The following CA12 variants were observed in gnomAD, a reference collection of about 807,000 sequenced individuals.
CA12 encodes carbonate dehydratase XII.
CA12 carries 36 observed loss-of-function variants against 46.8 expected under a neutral mutation model. That is an observed-to-expected ratio of 0.77 (90% CI 0.59 to 1.02). The LOEUF (loss-of-function observed/expected upper bound fraction) is 1.02. CA12 is among the 50% of genes least tolerant of loss of function. The pLI, the probability that CA12 is intolerant of heterozygous loss-of-function variation, is 0.00. For missense variants in CA12, 436 were observed against 451.4 expected, an observed-to-expected ratio of 0.97 and a Z score of 0.31; for synonymous variants, 202 against 187.0, an observed-to-expected ratio of 1.08 and a Z score of -0.65.
chr15:63,336,258 C>A (rs1329988580), intron 8 of CA12, among the ~76,000 whole-genome samples: 1 of 152,206 alleles, frequency 6.6e-6, no homozygotes, highest in East Asian at 1.9e-4. Flanking sequence ...TACTGAAGCG[C>A]TTGGCTAAAA....
rs1595779473 is a variant in CA12, at chr15:63,340,883, C to T, written c.526-100G>A. 1.0e-6 allele frequency: 1 copy of T among 956,444 alleles called. No individual in the cohort carries two copies. Among genetic ancestry groups the T allele is most frequent in the Admixed American group, 1.8e-5 (1 of 54,330 alleles). 59.2% of individuals were successfully genotyped at this position (956,444 alleles called of 1,614,324 possible). A position where few individuals can be genotyped will look rare whatever the true frequency, so the allele number is the denominator to read the frequency against. Reference sequence around the variant, plus strand: ...AAGGGCAAAGCTGTGGGTATGTTGCCACCACTGCCTGAAGGATCCACTTTA... The same window carrying T: ...AAGGGCAAAGCTGTGGGTATGTTGCTACCACTGCCTGAAGGATCCACTTTA... On this transcript the variant is annotated intron_variant, in intron 5 of 10. Transcript: ENST00000178638. This position sits in a 1 kb window ranked among gnomAD's most constrained non-coding sequence, Gnocchi z 4.4.
In CA12 at chr15:63,339,328, G is replaced by A. The variant is rs932265129; in HGVS notation, c.748-383C>T. On this transcript the variant is annotated intron_variant, in intron 7 of 10. Coordinates refer to ENST00000178638, the MANE Select transcript of CA12 (RefSeq NM_001218.5). This position sits in a 1 kb window ranked among gnomAD's most constrained non-coding sequence, Gnocchi z 4.3. The stretch of plus-strand genomic sequence containing the variant: ...GAGGCCAGCTCTCAACCAGAGGGTC[G>A]CAGGGCTTGTTCTGATGGTCATATC... 5.9e-5 allele frequency among the ~76,000 whole-genome samples: 9 copies of A among 152,096 alleles called. No homozygotes were observed. The highest frequency in any genetic ancestry group is 2.1e-4 in the South Asian group (1 of 4,824).
At chr15:63,344,689 T>C (rs1370697258) in intron 4 of CA12, among the ~76,000 whole-genome samples, 6 of 152,180 alleles carry the variant, frequency 3.9e-5, no homozygotes, top group African/African-American at 1.2e-4. Flanking sequence ...CCCTGGCTGA[T>C]CAGTCAGCAG....
Position 63,330,947 on chromosome 15 carries a change from C to T in CA12, c.875-2817G>A, listed in dbSNP as rs1477773403. Among the ~76,000 whole-genome samples the T allele has an allele frequency of 1.3e-5, 2 of 152,212 alleles. No individual in the cohort carries two copies. The highest frequency in any genetic ancestry group is 4.8e-5 in the African/African-American group (2 of 41,442). On this transcript the variant is annotated intron_variant, in intron 8 of 10. Coordinates refer to ENST00000178638, the MANE Select transcript of CA12 (RefSeq NM_001218.5). The surrounding 1 kb of genome is among the most constrained non-coding windows in gnomAD (Gnocchi z 4.0). ...AGAGACTGGGACAGATACTTTTCAG[C>T]CAAGACTTTGATACAGCAAAAACGA...
intron 2 of CA12, among the ~76,000 whole-genome samples, chr15:63,359,965 T>C (rs1254778228): frequency 1.3e-5 from 2 of 152,206 alleles, no homozygotes; most frequent in Non-Finnish European, 2.9e-5. Flanking sequence ...AGCTCTGTCA[T>C]GTAGCACACA....
rs541235390 is a variant in CA12, at chr15:63,378,104, C to A, written c.86-2426G>T. ...CTCTCCCAGTAAAAATTTCCCTAAGCTGGCTGGGTACGGTGGCTCACCCCT... is the reference window on the plus strand; with the variant it reads ...CTCTCCCAGTAAAAATTTCCCTAAGATGGCTGGGTACGGTGGCTCACCCCT... On this transcript the variant is annotated intron_variant, in intron 1 of 10. Transcript: ENST00000178638. This position sits in a 1 kb window ranked among gnomAD's most constrained non-coding sequence, Gnocchi z 4.8. 7.2e-5 allele frequency among the ~76,000 whole-genome samples: 11 copies of A among 152,332 alleles called. No homozygotes were observed. Among genetic ancestry groups the A allele is most frequent in the African/African-American group, 2.6e-4 (11 of 41,578 alleles).
Position 63,322,171 on chromosome 15 carries a change from C to T in CA12, c.*4114G>A, listed in dbSNP as rs2038799024. ...ACTTCTAAGTGTGTTTGGAGCAACT[C>T]GGATATTGGAATCTTTTAAACTGTA... On this transcript the variant is annotated 3_prime_UTR_variant, in exon 11 of 11. Transcript: ENST00000178638. This position sits in a 1 kb window ranked among gnomAD's most constrained non-coding sequence, Gnocchi z 4.1. 2.0e-5 allele frequency: 3 copies of T among 152,176 alleles called. No individual in the cohort carries two copies. The highest frequency in any genetic ancestry group is 1.3e-4 in the Admixed American group (2 of 15,278). The allele number at this position is 152,176 out of a possible 1,614,324, so 9.4% of individuals were successfully genotyped here.
At chr15:63,366,436 C>T (rs921392952) in intron 2 of CA12, among the ~76,000 whole-genome samples, 1 of 152,206 alleles carries the variant, frequency 6.6e-6, no homozygotes, top group African/African-American at 2.4e-5. Context: ...CTCCAAAATA[C>T]TGAGTGAGGT....
intron 2 of CA12, among the ~76,000 whole-genome samples, chr15:63,371,970 G>T (rs1387709423): frequency 4.0e-5 from 6 of 151,812 alleles, no homozygotes; most frequent in African/African-American, 1.5e-4. Context: ...CTCTTTTATT[G>T]AATATGAAAT....
At chr15:63,364,112 TG>T (rs938289797) in intron 2 of CA12, among the ~76,000 whole-genome samples, 3 of 151,698 alleles carry the variant, frequency 2.0e-5, no homozygotes, top group African/African-American at 7.3e-5. Flanking sequence ...GCTTGAACCC[TG>T]GAGGCGGAGG....
chr15:63,336,543 C>CTTT lies in CA12; in HGVS notation c.874+2273_874+2275dup, dbSNP rs71998323. On this transcript the variant is annotated intron_variant, in intron 8 of 10. Coordinates refer to ENST00000178638, the MANE Select transcript of CA12 (RefSeq NM_001218.5). Reference sequence around the variant, plus strand: ...CATGAGATCACCTAATCCAACCTGGCTTTTTTTTTTTTTTTTTTTTTTTTT... The same window carrying CTTT: ...CATGAGATCACCTAATCCAACCTGGCTTTTTTTTTTTTTTTTTTTTTTTTTTTT... Among the ~76,000 whole-genome samples, 234 of 86,214 alleles carry CTTT rather than the reference C, an allele frequency of 2.7e-3. 5 individuals are homozygous for CTTT. Among genetic ancestry groups the CTTT allele is most frequent in the Middle Eastern group, 0.011 (1 of 88 alleles). 56.6% of individuals were successfully genotyped at this position (86,214 alleles called of 152,430 possible).
rs1169733646 is a variant in CA12 at position 63,331,273 on chromosome 15, C to T, written c.875-3143G>A. ...CAACCAGAGAACTAGAACCTGAGTG[C>T]GAAGCCAAAGCCTGTTTCCCAGCAG... On this transcript the variant is annotated intron_variant, in intron 8 of 10. Coordinates refer to ENST00000178638, the MANE Select transcript of CA12 (RefSeq NM_001218.5). The surrounding 1 kb of genome is among the most constrained non-coding windows in gnomAD (Gnocchi z 5.3). Among the ~76,000 whole-genome samples the T allele has an allele frequency of 6.6e-6, 1 of 152,168 alleles. No homozygotes were observed. Among genetic ancestry groups the T allele is most frequent in the Non-Finnish European group, 1.5e-5 (1 of 68,020 alleles).
Position 63,326,042 on chromosome 15 carries a change from C to A in CA12, c.*243G>T, listed in dbSNP as rs549787566. The A allele has an allele frequency of 3.7e-6, 2 of 537,792 alleles. No individual in the cohort carries two copies. Among genetic ancestry groups the A allele is most frequent in the Non-Finnish European group, 6.8e-6 (2 of 295,778 alleles). The allele number at this position is 537,792 out of a possible 1,614,324, so 33.3% of individuals were successfully genotyped here. On this transcript the variant is annotated 3_prime_UTR_variant, in exon 11 of 11. Coordinates refer to ENST00000178638, the MANE Select transcript of CA12 (RefSeq NM_001218.5). ...ACCACTTCACAATCTCACACAGTTA[C>A]AGCAAGCAGCTTTGAATTCCTGCTG... is the stretch of plus-strand genomic sequence containing the variant.
intron 1 of CA12, 100 bp from the exon 2 acceptor site, chr15:63,375,778 G>C (rs2039562618): frequency 2.5e-6 from 2 of 786,590 alleles, no homozygotes; most frequent in Non-Finnish European, 4.3e-6. Flanking sequence ...TGAAAAGGAG[G>C]TCGATGCCCA....
chr15:63,357,565 A>C (rs1337766761), intron 2 of CA12, among the ~76,000 whole-genome samples: 1 of 152,192 alleles, frequency 6.6e-6, no homozygotes, highest in Non-Finnish European at 1.5e-5. Flanking sequence ...GCTGCTGTGA[A>C]ACCCTCATCA....
In CA12 at chr15:63,338,609, C is replaced by T. The variant is rs573219476; in HGVS notation, c.874+210G>A. Among the ~76,000 whole-genome samples the T allele has an allele frequency of 8.5e-5, 13 of 152,306 alleles. 1 individual carries two copies. The highest frequency in any genetic ancestry group is 2.4e-4 in the African/African-American group (10 of 41,578). ...CTCTGGTCCATGTGCCTGGGGGCCT[C>T]GGCTTTTTGCTTCTCTGCAAAGACT... On this transcript the variant is annotated intron_variant, in intron 8 of 10. Transcript: ENST00000178638.
intron 8 of CA12, among the ~76,000 whole-genome samples, chr15:63,333,412 G>A (rs1358929955): frequency 6.6e-6 from 1 of 152,226 alleles, no homozygotes; most frequent in Admixed American, 6.5e-5. Flanking sequence ...AACTCGGACT[G>A]TGCTCGGGAA....
intron 1 of CA12, among the ~76,000 whole-genome samples, chr15:63,376,187 T>C (rs1342215814): frequency 6.6e-6 from 1 of 152,168 alleles, no homozygotes; most frequent in African/African-American, 2.4e-5. Flanking sequence ...GCACAGGCAG[T>C]TGGTTCATGC....
intron 1 of CA12, among the ~76,000 whole-genome samples, chr15:63,375,900 C>T (rs1480524287): frequency 6.6e-6 from 1 of 151,462 alleles, no homozygotes; most frequent in African/African-American, 2.4e-5. Context: ...ACCTCTGCCT[C>T]CTGGGTTCAA....
Sources: allele counts gnomAD v4.1 joint callset (sites outside exome capture counted in the v4.1 genomes callset), GRCh38; gene constraint gnomAD v4.1.1; non-coding constraint Gnocchi (gnomAD v3.1); transcripts MANE v1.5; gene names NCBI Gene and HGNC (gene_info 2026-07-23, HGNC 2026-07-21).